Variants in GIGYF2 observed in about 807,000 individuals in gnomAD.
GIGYF2 encodes GRB10-interacting GYF protein 2.
Under a neutral mutation model 208.1 loss-of-function variants are expected in GIGYF2, and 25 were observed. That is an observed-to-expected ratio of 0.12 (90% CI 0.09 to 0.17). The LOEUF (loss-of-function observed/expected upper bound fraction) is 0.17. Ranked by LOEUF, GIGYF2 falls within the 10% of genes least tolerant of loss-of-function variation. The pLI, the probability that GIGYF2 is intolerant of heterozygous loss-of-function variation, is 1.00. For synonymous variants in GIGYF2, 534 were observed against 543.8 expected, an observed-to-expected ratio of 0.98 and a Z score of 0.25; for missense variants, 1,302 against 1,579.4, an observed-to-expected ratio of 0.82 and a Z score of 2.98.
At chr2:232,723,432 CTTTTTTTT>C (rs371379851) in intron 2 of GIGYF2, among the ~76,000 whole-genome samples, 1 of 135,110 alleles carries the variant, frequency 7.4e-6, no homozygotes, top group Admixed American at 7.5e-5. Context: ...CTTTTCTTTT[CTTTTTTTT>C]TTTTTTTTGA....
intron 2 of GIGYF2, among the ~76,000 whole-genome samples, chr2:232,726,697 G>C (rs564026839): frequency 6.6e-6 from 1 of 152,180 alleles, no homozygotes; most frequent in African/African-American, 2.4e-5. Flanking sequence ...TAAAATATAC[G>C]TGACAAGATT....
chr2:232,760,525 A>G lies in GIGYF2; in HGVS notation c.425A>G (p.Glu142Gly), dbSNP rs1315501535. The G allele has an allele frequency of 1.2e-6, 2 of 1,613,680 alleles. No individual in the cohort carries two copies. Among genetic ancestry groups the G allele is most frequent in the Admixed American group, 3.3e-5 (2 of 59,962 alleles). The change falls in exon 7 of 29, where the codon GAA becomes GGA. Residue 142 changes from glutamate (E) to glycine (G), a missense_variant. Coordinates refer to ENST00000373563, the MANE Select transcript of GIGYF2 (RefSeq NM_001103146.3). ...GGTTTCTACCAAAGAAGTTTTGATG[A>G]AGTAGAGGGTGTTTTTGGTCGAGGA... ...ECGFYQRSFD[E>G]VEGVFGRGGG...
intron 3 of GIGYF2, 33 bp downstream of exon 3, chr2:232,735,271 TG>T (rs1697686158): frequency 6.8e-7 from 1 of 1,460,764 alleles, no homozygotes; most frequent in South Asian, 1.1e-5. Context: ...TCTTTGATAT[TG>T]GATGACTAAT....
At chr2:232,822,152 A>G (rs13021823) in intron 21 of GIGYF2, among the ~76,000 whole-genome samples, 42,774 of 151,974 alleles carry the variant, frequency 0.28, 6,775 homozygotes, top group Non-Finnish European at 0.36. Flanking sequence ...CTTAATTTCT[A>G]TATAAGTAAA....
chr2:232,702,455 ACT>A (rs1695896146), intron 1 of GIGYF2, among the ~76,000 whole-genome samples: 1 of 150,190 alleles, frequency 6.7e-6, no homozygotes, highest in Non-Finnish European at 1.5e-5. Flanking sequence ...AAGAAAAAAA[ACT>A]CTATCTGTCT....
At chr2:232,799,966 A>G (rs982996063) in intron 14 of GIGYF2, among the ~76,000 whole-genome samples, 1 of 147,678 alleles carries the variant, frequency 6.8e-6, no homozygotes, top group Non-Finnish European at 1.5e-5. Context: ...TTTTTTTTTT[A>G]ATTGGGTTGT....
At chr2:232,756,145 A>ATGTAGTTTT in intron 5 of GIGYF2, 78 bp from the exon 6 acceptor site, 2 of 797,486 alleles carry the variant, frequency 2.5e-6, no homozygotes. Context: ...GAGAAGCAAC[A>ATGTAGTTTT]TGTAGTTTTA....
intron 21 of GIGYF2, among the ~76,000 whole-genome samples, chr2:232,830,304 C>T (rs531697247): frequency 2.0e-5 from 3 of 152,034 alleles, no homozygotes; most frequent in South Asian, 2.1e-4. Context: ...TTCTTTTTTT[C>T]GTTTTTAGTT....
chr2:232,743,247 A>G (rs1330727420), intron 3 of GIGYF2, among the ~76,000 whole-genome samples: 1 of 152,184 alleles, frequency 6.6e-6, no homozygotes, highest in Non-Finnish European at 1.5e-5. Context: ...GCGAGGAAGT[A>G]GAGATGTTTC....
At position 232,749,028 on chromosome 2, in the gene GIGYF2, C is replaced by G. The variant is rs1335617683; in HGVS notation, c.213C>G (p.Leu71=). Residue 71 remains leucine (L), a synonymous_variant, in exon 5 of 29, where the codon CTC becomes CTG. Transcript: ENST00000373563. ...DLLDKEFLPI[L]QEEPLPPLAL... ...TGGATAAAGAATTTCTGCCTATCCT[C>G]CAGGAGGAACCCCTTCCACCATTGG... 1.0e-5 allele frequency: 16 copies of G among 1,606,344 alleles called. No individual in the cohort carries two copies. The highest frequency in any genetic ancestry group is 1.3e-5 in the African/African-American group (1 of 74,720).
In GIGYF2 at chr2:232,809,760, T is replaced by C; in HGVS notation, c.1847T>C (p.Leu616Pro). Residue 616 changes from leucine to proline, a missense_variant, in exon 16 of 29, where the codon CTC becomes CCC. Coordinates refer to ENST00000373563, the MANE Select transcript of GIGYF2 (RefSeq NM_001103146.3). ...GAACGACTGACCAGGCAGCAAGAAC[T>C]CACAGCCTTATACCAGATGCAGCAC... The part of the protein sequence containing the change: ...DQERLTRQQE[L>P]TALYQMQHLQ... 6.2e-7 allele frequency: 1 copy of C among 1,612,136 alleles called. No individual in the cohort carries two copies. The highest frequency in any genetic ancestry group is 1.1e-5 in the South Asian group (1 of 91,048).
intron 19 of GIGYF2, chr2:232,816,025 T>G: frequency 2.6e-6 from 1 of 387,758 alleles, no homozygotes; most frequent in Middle Eastern, 7.9e-4. Context: ...ACATTTGTTA[T>G]AAGTAACAAG....
chr2:232,717,469 A>G (rs944368798), intron 2 of GIGYF2, among the ~76,000 whole-genome samples: 4 of 152,106 alleles, frequency 2.6e-5, no homozygotes, highest in Admixed American at 2.0e-4. Flanking sequence ...CAGCACTCCA[A>G]TTCCCTCTCC....
Position 232,711,994 on chromosome 2 carries a change from A to G in GIGYF2, c.-44+8505A>G, listed in dbSNP as rs146220874. ...TGGATATCTTACATTATACAGTATCAAAAAATCACTTTCATTGAAATCAGC... is the reference window on the plus strand; with the variant it reads ...TGGATATCTTACATTATACAGTATCGAAAAATCACTTTCATTGAAATCAGC... On this transcript the variant is annotated intron_variant, in intron 2 of 28. Transcript: ENST00000373563. 2.1e-3 allele frequency among the ~76,000 whole-genome samples: 322 copies of G among 152,168 alleles called. 1 individual carries two copies. Among genetic ancestry groups the G allele is most frequent in the Non-Finnish European group, 3.7e-3 (250 of 68,004 alleles).
Position 232,789,938 on chromosome 2 carries a change from G to A in GIGYF2, c.713-760G>A, listed in dbSNP as rs537163628. Reference sequence around the variant, plus strand: ...GGGAATGTCCGTAGGGGTATTATATGGATAGGGAGAATTAAGAGATGAGAA... The same window carrying A: ...GGGAATGTCCGTAGGGGTATTATATAGATAGGGAGAATTAAGAGATGAGAA... On this transcript the variant is annotated intron_variant, in intron 9 of 28. Transcript: ENST00000373563. 2.6e-4 allele frequency among the ~76,000 whole-genome samples: 39 copies of A among 152,108 alleles called. No individual in the cohort carries two copies. In the South Asian group the frequency reaches 7.7e-3, roughly 30 times the overall value.
intron 2 of GIGYF2, chr2:232,730,064 C>T (rs1228708070): frequency 2.1e-5 from 21 of 1,008,294 alleles, no homozygotes; most frequent in South Asian, 5.3e-5. Flanking sequence ...AGTCAGCAGG[C>T]GGTGGGCCAG....
At chr2:232,800,453 G>T (rs1423620989) in intron 14 of GIGYF2, among the ~76,000 whole-genome samples, 1 of 151,920 alleles carries the variant, frequency 6.6e-6, no homozygotes, top group African/African-American at 2.4e-5. Context: ...TCATTTTGGG[G>T]CCCTCTGTTC....
chr2:232,741,977 C>T (rs1057287754), intron 3 of GIGYF2, among the ~76,000 whole-genome samples: 1 of 152,186 alleles, frequency 6.6e-6, no homozygotes, highest in Non-Finnish European at 1.5e-5. Flanking sequence ...CTCCGACTCT[C>T]TTTCCAGCTC....
intron 3 of GIGYF2, among the ~76,000 whole-genome samples, chr2:232,738,483 G>T (rs1458088100): frequency 6.6e-6 from 1 of 151,852 alleles, no homozygotes. Flanking sequence ...TTTTCTTCAT[G>T]TTGTGTATCA....
Sources: gnomAD v4.1 joint callset for allele counts (sites outside exome capture counted in the v4.1 genomes callset) on GRCh38, gnomAD v4.1.1 for gene constraint, MANE v1.5 for transcripts, NCBI Gene and HGNC (gene_info 2026-07-23, HGNC 2026-07-21) for gene names.